NEK2: variants seen among roughly 807,000 people sequenced by gnomAD.
NEK2 encodes the protein NIMA related kinase 2, also known as serine/threonine-protein kinase Nek2.
A neutral mutation model predicts 54.1 loss-of-function variants in NEK2; 28 were observed. That is an observed-to-expected ratio of 0.52 (90% confidence interval 0.38 to 0.71). NEK2 has a LOEUF of 0.71. NEK2 is among the 30% of genes least tolerant of loss of function. The pLI, the probability that NEK2 is intolerant of heterozygous loss-of-function variation, is 0.00. For synonymous variants in NEK2, 176 were observed against 193.1 expected, an observed-to-expected ratio of 0.91 and a Z score of 0.73; for missense variants, 407 against 531.5, an observed-to-expected ratio of 0.77 and a Z score of 2.30.
intron 6 of NEK2, among the ~76,000 whole-genome samples, chr1:211,668,571 C>A (rs1655251050): frequency 6.6e-6 from 1 of 151,944 alleles, no homozygotes; most frequent in Non-Finnish European, 1.5e-5. Flanking sequence ...CACTTGAGCT[C>A]AGGAGTTCAA....
At chr1:211,674,249 T>G in intron 2 of NEK2, 47 bp downstream of exon 2, 2 of 1,490,136 alleles carry the variant, frequency 1.3e-6, no homozygotes, top group Non-Finnish European at 1.9e-6. Flanking sequence ...TTAAAATAAA[T>G]GAAACTAGAC....
intron 7 of NEK2, chr1:211,666,518 C>T (rs1010728963): frequency 3.1e-6 from 3 of 978,498 alleles, no homozygotes; most frequent in Non-Finnish European, 3.6e-6. Context: ...AAATAAGTAT[C>T]GGCTGGGCAC....
Position 211,662,827 on chromosome 1 carries a change from G to C in NEK2, c.*599C>G, listed in dbSNP as rs557406005. The C allele has an allele frequency of 4.1e-6, 4 of 981,158 alleles. No homozygotes were observed. In the East Asian group the frequency reaches 3.4e-4, roughly 84 times the overall value. 60.8% of individuals were successfully genotyped at this position (981,158 alleles called of 1,614,324 possible). ...GTGGGAAAGAAGTAGGTAAATGACA[G>C]ACAGCTCATATTCTGTTAAACAGAA... On this transcript the variant is annotated 3_prime_UTR_variant, in exon 8 of 8. Transcript: ENST00000366999. This position sits in a 1 kb window ranked among gnomAD's most constrained non-coding sequence, Gnocchi z 4.2.
At chr1:211,665,386 A>G (rs1168575810) in intron 7 of NEK2, among the ~76,000 whole-genome samples, 1 of 152,204 alleles carries the variant, frequency 6.6e-6, no homozygotes, top group African/African-American at 2.4e-5. Flanking sequence ...GTAGATTCCC[A>G]TACTTATCTG....
downstream of NEK2, chr1:211,660,697 G>C (rs1822568): frequency 0.72 from 482,700 of 668,062 alleles, 175,871 homozygotes; most frequent in African/African-American, 0.81. Context: ...TTGAATCTGC[G>C]AAGATCCACA....
chr1:211,660,936 C>T (rs1439470484), downstream of NEK2: 14 of 743,866 alleles, frequency 1.9e-5, no homozygotes, highest in East Asian at 7.7e-5. Context: ...GGGATGAATC[C>T]GTGATGTCAT....
chr1:211,669,192 T>C lies in NEK2; in HGVS notation c.906A>G (p.Val302=), dbSNP rs1202426226. Reference sequence around the variant, plus strand: ...TTTCCTTCAGTTTCAGCTCACTCAATACAGGGCTGGAATCCTGCGATTTTT... The same window carrying C: ...TTTCCTTCAGTTTCAGCTCACTCAACACAGGGCTGGAATCCTGCGATTTTT... ...EPEKSQDSSP[V]LSELKLKEIQ... Residue 302 remains valine, a synonymous_variant, in exon 6 of 8, where the codon GTA becomes GTG. Coordinates refer to ENST00000366999, the MANE Select transcript of NEK2 (RefSeq NM_002497.4). The C allele has an allele frequency of 5.6e-6, 9 of 1,613,996 alleles. No homozygotes were observed. Among genetic ancestry groups the C allele is most frequent in the Non-Finnish European group, 7.6e-6 (9 of 1,179,880 alleles).
chr1:211,669,468 C>G, intron 5 of NEK2, 136 bp from the exon 6 acceptor site: 1 of 720,278 alleles, frequency 1.4e-6, no homozygotes, highest in Non-Finnish European at 2.3e-6. Flanking sequence ...GTCTTAAAAA[C>G]TTGGAAAAAT....
Position 211,675,582 on chromosome 1 carries a change from G to T in NEK2, c.-103C>A, listed in dbSNP as rs569154348. The T allele has an allele frequency of 1.2e-5, 11 of 894,032 alleles. No individual in the cohort carries two copies. In the South Asian group the frequency reaches 1.4e-4, roughly 11 times the overall value. 55.4% of individuals were successfully genotyped at this position (894,032 alleles called of 1,614,324 possible). ...CAGGGACCTGGATGGAGAAGCCCCC[G>T]AGCAGCACTGACCCGCCACCCCTGC... On this transcript the variant is annotated 5_prime_UTR_variant, in exon 1 of 8. Transcript: ENST00000366999.
At chr1:211,660,311 G>T, downstream of NEK2, 3 of 471,524 alleles carry the variant, frequency 6.4e-6, no homozygotes, top group South Asian at 3.5e-5. Flanking sequence ...TCCTCATACT[G>T]CAAGAACACG....
intron 4 of NEK2, 80 bp from the exon 5 acceptor site, chr1:211,670,487 A>C: frequency 6.9e-7 from 1 of 1,442,176 alleles, no homozygotes; most frequent in South Asian, 1.3e-5. Flanking sequence ...GAACTAAATC[A>C]AAAGCACAGC....
chr1:211,661,897 T>C (rs911538930), downstream of NEK2, among the ~76,000 whole-genome samples: 1 of 152,238 alleles, frequency 6.6e-6, no homozygotes, highest in Non-Finnish European at 1.5e-5. Context: ...CTGAATAATT[T>C]GGCAGGAGAG....
intron 3 of NEK2, among the ~76,000 whole-genome samples, chr1:211,672,184 T>C (rs1446798356): frequency 6.6e-6 from 1 of 152,250 alleles, no homozygotes; most frequent in Non-Finnish European, 1.5e-5. Context: ...TATTTCTTCA[T>C]CTTTATCTGT....
Position 211,663,531 on chromosome 1 carries a change from C to T in NEK2, c.1233G>A (p.Lys411=). The change falls in exon 8 of 8, where the codon AAG becomes AAA. Residue 411 remains lysine, a synonymous_variant. Transcript: ENST00000366999. ...ESQLTSKSKC[K]DLKKRLHAAQ... ...CAGCGTGAAGCCTTTTCTTCAGGTC[C>T]TTGCACTTGGACTTAGATGTGAGCT... 2.5e-6 allele frequency: 4 copies of T among 1,614,004 alleles called. No individual in the cohort carries two copies. The highest frequency in any genetic ancestry group is 1.7e-4 in the Middle Eastern group (1 of 6,050).
intron 5 of NEK2, 67 bp from the exon 6 acceptor site, chr1:211,669,399 T>TA (rs1655291740): frequency 1.4e-6 from 2 of 1,412,186 alleles, no homozygotes; most frequent in Non-Finnish European, 2.0e-6. Context: ...AGACAGCAGT[T>TA]AAAATAAAAG....
chr1:211,670,442 C>T lies in NEK2; in HGVS notation c.639-35G>A, dbSNP rs1180354827. On this transcript the variant is annotated intron_variant, in intron 4 of 7. Coordinates refer to ENST00000366999, the MANE Select transcript of NEK2 (RefSeq NM_002497.4). ...AAAAAGAAGAAGAAGACGACGAAGA[C>T]ATTTTCAAATTGTAAAAATGAAAAT... The T allele has an allele frequency of 2.5e-6, 4 of 1,586,606 alleles. No individual in the cohort carries two copies. In the Admixed American group the frequency reaches 5.6e-5, roughly 22 times the overall value.
chr1:211,662,977 G>A lies in NEK2; in HGVS notation c.*449C>T, dbSNP rs1045309987. 3.0e-6 allele frequency: 3 copies of A among 989,694 alleles called. No homozygotes were observed. The highest frequency in any genetic ancestry group is 3.6e-6 in the Non-Finnish European group (3 of 832,286). The allele number at this position is 989,694 out of a possible 1,614,324, so 61.3% of individuals were successfully genotyped here. A position where few individuals can be genotyped will look rare whatever the true frequency, so the allele number is the denominator to read the frequency against. ...TTAATGACCAAATTGCATCTAACTG[G>A]GTTTTCTAAGCTCAAAAACATTTAA... On this transcript the variant is annotated 3_prime_UTR_variant, in exon 8 of 8. Transcript: ENST00000366999. The surrounding 1 kb of genome is among the most constrained non-coding windows in gnomAD (Gnocchi z 4.2).
chr1:211,669,657 G>T, intron 5 of NEK2: 1 of 302,194 alleles, frequency 3.3e-6, no homozygotes, highest in African/African-American at 2.2e-5. Flanking sequence ...GGGAAGTACT[G>T]CCCTTGCATT....
chr1:211,659,687 C>CA (rs1654967806), downstream of NEK2, among the ~76,000 whole-genome samples: 1 of 152,170 alleles, frequency 6.6e-6, no homozygotes, highest in South Asian at 2.1e-4. Context: ...CGTCTTCAGG[C>CA]AAATGTGGCT....
Sources: gnomAD v4.1 joint callset for allele counts (sites outside exome capture counted in the v4.1 genomes callset) on GRCh38, gnomAD v4.1.1 for gene constraint, Gnocchi (gnomAD v3.1) non-coding constraint, MANE v1.5 for transcripts, NCBI Gene and HGNC (gene_info 2026-07-23, HGNC 2026-07-21) for gene names.